Variants in KALRN observed in about 807,000 individuals in gnomAD.
KALRN encodes kalirin.
KALRN carries 70 observed loss-of-function variants against 353.7 expected under a neutral mutation model. That is an observed-to-expected ratio of 0.20 (90% CI 0.16 to 0.24). The LOEUF (loss-of-function observed/expected upper bound fraction) is 0.24. Among genes scored for constraint, KALRN ranks in the 10% least tolerant of loss-of-function variants. KALRN has a pLI of 1.00. For missense variants in KALRN, 2,791 were observed against 3,756.7 expected (o/e 0.74, Z 6.72); for synonymous variants, 1,391 against 1,434.8 (o/e 0.97, Z 0.69).
intron 10 of KALRN, among the ~76,000 whole-genome samples, chr3:124,353,484 T>C (rs2083053800): frequency 6.6e-6 from 1 of 152,114 alleles, no homozygotes; most frequent in African/African-American, 2.4e-5. Context: ...GTTCTAACCC[T>C]CTAAGAAATT....
chr3:124,281,907 A>T (rs2075380196), intron 5 of KALRN, among the ~76,000 whole-genome samples: 1 of 152,218 alleles, frequency 6.6e-6, no homozygotes, highest in Non-Finnish European at 1.5e-5. Flanking sequence ...CACTGAGCTG[A>T]CACAAGAGCA....
intron 33 of KALRN, among the ~76,000 whole-genome samples, chr3:124,497,256 C>T (rs901508893): frequency 3.3e-5 from 5 of 152,236 alleles, no homozygotes; most frequent in South Asian, 2.1e-4. Flanking sequence ...TCTTTTGTTG[C>T]CTCTTAGTGA....
intron 34 of KALRN, among the ~76,000 whole-genome samples, chr3:124,630,634 G>A (rs2080665743): frequency 6.6e-6 from 1 of 152,112 alleles, no homozygotes; most frequent in South Asian, 2.1e-4. Context: ...TGAGCTGTAT[G>A]TCCTTAAGCA....
chr3:124,255,965 A>G (rs749528107), intron 3 of KALRN, among the ~76,000 whole-genome samples: 26 of 152,160 alleles, frequency 1.7e-4, no homozygotes, highest in Non-Finnish European at 2.8e-4. Context: ...CGAGGAGGAG[A>G]TTGCTCTGAC....
rs370332865 is a variant in KALRN, at chr3:124,037,455, AAT to A, written c.73+3644_73+3645del. On this transcript the variant is annotated intron_variant, in intron 1 of 59. Transcript: ENST00000682506. ...GGATTGGAGAAGTGGGGCAGGGTCA[AAT>A]AGGGAGAGTCTTGAAAGCACAAGAG... Among the ~76,000 whole-genome samples, 85 of 152,300 alleles carry A rather than the reference AAT, an allele frequency of 5.6e-4. No individual in the cohort carries two copies. In the East Asian group the frequency reaches 0.014, roughly 25 times the overall value.
chr3:124,125,144 A>G (rs892756591), intron 1 of KALRN, among the ~76,000 whole-genome samples: 9 of 152,184 alleles, frequency 5.9e-5, no homozygotes, highest in African/African-American at 4.8e-5. Flanking sequence ...ATGATTTACA[A>G]TTTACAAAAG....
At position 124,384,880 on chromosome 3, in the gene KALRN, A is replaced by T; in HGVS notation, c.1806A>T (p.Ala602=). ...CCAATGCGGACAAGCTCCTAGAAGC[A>T]GCAGAGCAGTTGGCTCAGACGGGGG... ...TYTNADKLLE[A]AEQLAQTGEC... The change falls in exon 11 of 60, where the codon GCA becomes GCT. Residue 602 remains alanine (A), a synonymous_variant. Transcript: ENST00000682506. 2 of 1,612,054 alleles carry T rather than the reference A, an allele frequency of 1.2e-6. No individual in the cohort carries two copies. The highest frequency in any genetic ancestry group is 1.7e-6 in the Non-Finnish European group (2 of 1,178,826).
intron 49 of KALRN, chr3:124,677,502 A>T: frequency 2.3e-6 from 1 of 444,156 alleles, no homozygotes; most frequent in Non-Finnish European, 4.5e-6. Context: ...TCTTGTCCCA[A>T]TAGGGAAGCT....
chr3:124,049,279 G>C (rs990397697), intron 1 of KALRN, among the ~76,000 whole-genome samples: 1 of 152,166 alleles, frequency 6.6e-6, no homozygotes. Context: ...ATAGCCTGCT[G>C]TTGGCTAGGA....
intron 6 of KALRN, among the ~76,000 whole-genome samples, chr3:124,313,925 G>T (rs1419230460): frequency 6.6e-6 from 1 of 152,188 alleles, no homozygotes. Flanking sequence ...TGAGTCATAG[G>T]ATGGCTGGGT....
chr3:124,692,291 C>A (rs533945169), intron 51 of KALRN, among the ~76,000 whole-genome samples: 1 of 152,376 alleles, frequency 6.6e-6, no homozygotes, highest in South Asian at 2.1e-4. Flanking sequence ...TTGGGGCACT[C>A]AGCCCAGAAC....
intron 1 of KALRN, among the ~76,000 whole-genome samples, chr3:124,064,098 A>G (rs1257818725): frequency 6.6e-6 from 1 of 152,218 alleles, no homozygotes. Flanking sequence ...GATTGAGGAT[A>G]CAGAAATAAG....
intron 37 of KALRN, among the ~76,000 whole-genome samples, chr3:124,644,422 A>T (rs147832470): frequency 6.6e-6 from 1 of 151,904 alleles, no homozygotes; most frequent in Non-Finnish European, 1.5e-5. Context: ...GGTTTGCTGC[A>T]CCCATCAACC....
chr3:124,126,211 AAATT>A (rs980180377), intron 1 of KALRN, among the ~76,000 whole-genome samples: 4 of 152,162 alleles, frequency 2.6e-5, no homozygotes, highest in African/African-American at 9.7e-5. Context: ...TATTAAAAAA[AAATT>A]AATCATGAGT....
At chr3:124,530,283 T>C (rs1179006104) in intron 33 of KALRN, among the ~76,000 whole-genome samples, 1 of 152,174 alleles carries the variant, frequency 6.6e-6, no homozygotes, top group Non-Finnish European at 1.5e-5. Flanking sequence ...ATTCATACCA[T>C]GTAGGATAGG....
At chr3:124,555,471 C>T (rs1266995417) in intron 33 of KALRN, among the ~76,000 whole-genome samples, 1 of 150,692 alleles carries the variant, frequency 6.6e-6, no homozygotes, top group African/African-American at 2.4e-5. Flanking sequence ...ATAAAGTTAT[C>T]TTGTTTACTA....
intron 19 of KALRN, among the ~76,000 whole-genome samples, chr3:124,444,916 AG>A (rs2093787178): frequency 6.6e-6 from 1 of 152,132 alleles, no homozygotes; most frequent in Non-Finnish European, 1.5e-5. Context: ...TTGGCTGGGG[AG>A]GTGAGAATGA....
At chr3:124,258,182 G>C (rs1474867795) in intron 3 of KALRN, among the ~76,000 whole-genome samples, 2 of 152,150 alleles carry the variant, frequency 1.3e-5, no homozygotes, top group Admixed American at 6.5e-5. Flanking sequence ...GAGCCAGGGG[G>C]TGGAAGTGCA....
intron 10 of KALRN, among the ~76,000 whole-genome samples, chr3:124,371,776 A>T (rs975929595): frequency 6.6e-6 from 1 of 152,212 alleles, no homozygotes; most frequent in Non-Finnish European, 1.5e-5. Flanking sequence ...CCCCTCAAGC[A>T]TTTAGCCTCT....
Sources: allele counts gnomAD v4.1 joint callset (sites outside exome capture counted in the v4.1 genomes callset), GRCh38; gene constraint gnomAD v4.1.1; transcripts MANE v1.5; gene names NCBI Gene and HGNC (gene_info 2026-07-23, HGNC 2026-07-21).